The following NFIC variants were observed in gnomAD, a reference collection of about 807,000 sequenced individuals.
NFIC encodes nuclear factor I C, also known as nuclear factor 1 C-type.
A neutral mutation model predicts 54.4 loss-of-function variants in NFIC; 12 were observed. The ratio of observed to expected loss-of-function variants is 0.22; its 90% CI spans 0.14 to 0.36. The LOEUF is 0.36. NFIC is among the 10% of genes least tolerant of loss of function. The pLI, the probability that NFIC is intolerant of heterozygous loss-of-function variation, is 1.00. For synonymous variants in NFIC, 322 were observed against 319.2 expected, an observed-to-expected ratio of 1.01 and a Z score of -0.09; for missense variants, 575 against 718.2, an observed-to-expected ratio of 0.80 and a Z score of 2.28.
At chr19:3,423,564 GC>G (rs1017337995) in intron 2 of NFIC, among the ~76,000 whole-genome samples, 1 of 152,132 alleles carries the variant, frequency 6.6e-6, no homozygotes, top group African/African-American at 2.4e-5. Flanking sequence ...TTGTCCACCT[GC>G]CCCCCAACTT....
In NFIC at chr19:3,463,782, G is replaced by A. The variant is rs937434672; in HGVS notation, c.*1013G>A. 9.1e-6 allele frequency: 9 copies of A among 985,288 alleles called. No individual in the cohort carries two copies. The highest frequency in any genetic ancestry group is 1.1e-4 in the East Asian group (1 of 8,788). 61.0% of individuals were successfully genotyped at this position (985,288 alleles called of 1,614,324 possible). A position where few individuals can be genotyped will look rare whatever the true frequency, so the allele number is the denominator to read the frequency against. On this transcript the variant is annotated 3_prime_UTR_variant, in exon 11 of 11. Transcript: ENST00000443272. ...AGAGCTCCCCGAGTTGGGGGTGCCC[G>A]TCTGGAGCGCCCCCGTCAGCCCCTG...
intron 2 of NFIC, among the ~76,000 whole-genome samples, chr19:3,388,082 G>A (rs1422314111): frequency 6.6e-6 from 1 of 152,146 alleles, no homozygotes; most frequent in Non-Finnish European, 1.5e-5. Flanking sequence ...TGCTGACGCC[G>A]CCATGGGCCA....
chr19:3,377,433 G>C (rs1234501592), intron 1 of NFIC, among the ~76,000 whole-genome samples: 1 of 151,850 alleles, frequency 6.6e-6, no homozygotes, highest in Non-Finnish European at 1.5e-5. Context: ...AGAGCTGGGG[G>C]GAGGAAAACA....
chr19:3,386,717 G>C (rs2081302835), intron 2 of NFIC, among the ~76,000 whole-genome samples: 3 of 152,324 alleles, frequency 2.0e-5, no homozygotes, highest in Admixed American at 1.3e-4. Context: ...GGTGGGATTT[G>C]GACCCACAAG....
chr19:3,366,006 G>T (rs577865476), upstream of NFIC, among the ~76,000 whole-genome samples: 372 of 152,136 alleles, frequency 2.4e-3, 1 homozygote, highest in African/African-American at 8.5e-3. Flanking sequence ...CGCGCTGGCC[G>T]GCCTCTGCGC....
rs1208732601 is a variant in NFIC at position 3,463,611 on chromosome 19, T to C, written c.*842T>C. On this transcript the variant is annotated 3_prime_UTR_variant, in exon 11 of 11. Coordinates refer to ENST00000443272, the MANE Select transcript of NFIC (RefSeq NM_001245002.2). Reference sequence around the variant, plus strand: ...TTTGGGAGGAGAAGTCTCTATGCAATTGGCCCCGGCCCCTCCACCCCCCAC... The same window carrying C: ...TTTGGGAGGAGAAGTCTCTATGCAACTGGCCCCGGCCCCTCCACCCCCCAC... The C allele has an allele frequency of 1.5e-5, 15 of 983,640 alleles. No homozygotes were observed. Among genetic ancestry groups the C allele is most frequent in the South Asian group, 4.7e-5 (1 of 21,210 alleles). 60.9% of individuals were successfully genotyped at this position (983,640 alleles called of 1,614,324 possible).
At chr19:3,444,568 C>T (rs1028168727) in intron 6 of NFIC, among the ~76,000 whole-genome samples, 13 of 152,202 alleles carry the variant, frequency 8.5e-5, no homozygotes, top group Admixed American at 8.5e-4. Flanking sequence ...TATTCTTTCT[C>T]GCGGTGCCTG....
rs762128116 is a variant in NFIC, at chr19:3,366,629, C to T, written c.-8C>T. 5 of 1,499,994 alleles carry T rather than the reference C, an allele frequency of 3.3e-6. No individual in the cohort carries two copies. Among genetic ancestry groups the T allele is most frequent in the South Asian group, 2.6e-5 (2 of 76,980 alleles). 92.9% of individuals were successfully genotyped at this position (1,499,994 alleles called of 1,614,324 possible). A position where few individuals can be genotyped will look rare whatever the true frequency, so the allele number is the denominator to read the frequency against. Reference sequence around the variant, plus strand: ...CCGGCCGGCCCTGCGCCTCCCGCCGCGCCCGGGATGTATTCGTCCCCGCTC... The same window carrying T: ...CCGGCCGGCCCTGCGCCTCCCGCCGTGCCCGGGATGTATTCGTCCCCGCTC... On this transcript the variant is annotated 5_prime_UTR_variant, in exon 1 of 11. Transcript: ENST00000443272.
At chr19:3,414,517 C>G in intron 2 of NFIC, among the ~76,000 whole-genome samples, 1 of 151,896 alleles carries the variant, frequency 6.6e-6, no homozygotes, top group East Asian at 1.9e-4. Flanking sequence ...ATCACTTGAA[C>G]CCGGGAGGTG....
rs745578529 is a variant in NFIC at position 3,452,708 on chromosome 19, C to T, written c.1269+42C>T. 1 of 1,546,480 alleles carries T rather than the reference C, an allele frequency of 6.5e-7. No individual in the cohort carries two copies. Among genetic ancestry groups the T allele is most frequent in the Non-Finnish European group, 8.7e-7 (1 of 1,150,470 alleles). ...GCATTCGGGCCTCTCCTGGCGGCTC[C>T]AGGTGACCTCCCGGGGGCCACGTGC... is the stretch of plus-strand genomic sequence containing the variant. On this transcript the variant is annotated intron_variant, in intron 8 of 10. Transcript: ENST00000443272. The surrounding 1 kb of genome is among the most constrained non-coding windows in gnomAD (Gnocchi z 5.3).
Position 3,375,597 on chromosome 19 carries a change from G to A in NFIC, c.31-6115G>A, listed in dbSNP as rs572362231. Among the ~76,000 whole-genome samples, 1 of 152,344 alleles carries A rather than the reference G, an allele frequency of 6.6e-6. No individual in the cohort carries two copies. Among genetic ancestry groups the A allele is most frequent in the Admixed American group, 6.5e-5 (1 of 15,304 alleles). ...GCAGCGGAAAAGGGCCCTGAGGTCCGGTCCCCGCCGCAGCTGTTACGGTGA... is the reference window on the plus strand; with the variant it reads ...GCAGCGGAAAAGGGCCCTGAGGTCCAGTCCCCGCCGCAGCTGTTACGGTGA... On this transcript the variant is annotated intron_variant, in intron 1 of 10. Coordinates refer to ENST00000443272, the MANE Select transcript of NFIC (RefSeq NM_001245002.2). This position sits in a 1 kb window ranked among gnomAD's most constrained non-coding sequence, Gnocchi z 4.6.
intron 2 of NFIC, among the ~76,000 whole-genome samples, chr19:3,420,816 G>A (rs796461926): frequency 7.2e-5 from 11 of 151,814 alleles, no homozygotes; most frequent in African/African-American, 2.4e-4. Context: ...TCCGCCTCCC[G>A]AGTTCAAGAG....
At chr19:3,455,972 GCTT>G (rs1457128397) in intron 9 of NFIC, among the ~76,000 whole-genome samples, 9 of 152,120 alleles carry the variant, frequency 5.9e-5, no homozygotes, top group Non-Finnish European at 1.0e-4. Context: ...GCCTGTTGCA[GCTT>G]CTTCTCCCCC....
intron 2 of NFIC, chr19:3,411,202 G>A (rs2081752761): frequency 6.6e-6 from 1 of 151,790 alleles, no homozygotes; most frequent in African/African-American, 2.4e-5. Context: ...TTAAAGTAGA[G>A]ATGGGGTGGG....
chr19:3,439,333 CAAAAAAAAAAAAAAAAAAAAAA>C lies in NFIC; in HGVS notation c.958+4147_958+4168del, dbSNP rs539916342. Reference sequence around the variant, plus strand: ...GGGGCAACAGAGAAAGACCCTGTCTCAAAAAAAAAAAAAAAAAAAAAAAAAAAAAAAAAAAAAAAAAAGGCTC... The same window carrying C: ...GGGGCAACAGAGAAAGACCCTGTCTCAAAAAAAAAAAAAAAAAAAAGGCTC... On this transcript the variant is annotated intron_variant, in intron 6 of 10. Coordinates refer to ENST00000443272, the MANE Select transcript of NFIC (RefSeq NM_001245002.2). Among the ~76,000 whole-genome samples the C allele has an allele frequency of 2.2e-3, 51 of 23,324 alleles. 1 individual carries two copies. Among genetic ancestry groups the C allele is most frequent in the Middle Eastern group, 0.028 (1 of 36 alleles). The allele number at this position is 23,324 out of a possible 152,430, so 15.3% of individuals were successfully genotyped here.
rs1219360230 is a variant in NFIC at position 3,366,762 on chromosome 19, C to T, written c.30+96C>T. On this transcript the variant is annotated intron_variant, in intron 1 of 10. Transcript: ENST00000443272. ...AGGAGGAGGCGGGACGAAAAAGGCG[C>T]GCGTCCCTCCCGCCATCCCTGCCCG... 34 of 881,236 alleles carry T rather than the reference C, an allele frequency of 3.9e-5. 1 individual carries two copies. In the South Asian group the frequency reaches 7.8e-4, roughly 20 times the overall value. The allele number at this position is 881,236 out of a possible 1,614,324, so 54.6% of individuals were successfully genotyped here.
At chr19:3,408,240 G>A (rs565738797) in intron 2 of NFIC, among the ~76,000 whole-genome samples, 5 of 152,086 alleles carry the variant, frequency 3.3e-5, no homozygotes, top group Admixed American at 2.6e-4. Flanking sequence ...CTGACAGCCC[G>A]CCGGGTTTTT....
intron 1 of NFIC, among the ~76,000 whole-genome samples, chr19:3,367,939 C>A (rs577012733): frequency 9.1e-4 from 138 of 152,278 alleles, no homozygotes; most frequent in Non-Finnish European, 1.4e-3. Context: ...TCTCACCGGC[C>A]CCCTGCAGCC....
At chr19:3,364,340 G>A (rs1451917885), upstream of NFIC, among the ~76,000 whole-genome samples, 1 of 152,188 alleles carries the variant, frequency 6.6e-6, no homozygotes, top group African/African-American at 2.4e-5. Context: ...ACAACCTGGA[G>A]GGTTATGAGC....
Sources: gnomAD v4.1 joint callset for allele counts (sites outside exome capture counted in the v4.1 genomes callset) on GRCh38, gnomAD v4.1.1 for gene constraint, Gnocchi (gnomAD v3.1) non-coding constraint, MANE v1.5 for transcripts, NCBI Gene and HGNC (gene_info 2026-07-23, HGNC 2026-07-21) for gene names.